CLYBL: variants seen among roughly 807,000 people sequenced by gnomAD.
The protein encoded by CLYBL is citramalyl-CoA lyase, also known as citramalyl-CoA lyase, mitochondrial.
CLYBL carries 31 observed loss-of-function variants against 38.9 expected under a neutral mutation model. The observed-to-expected ratio is 0.80, with a 90% confidence interval of 0.60 to 1.08. The LOEUF (loss-of-function observed/expected upper bound fraction) is 1.08. Among genes scored for constraint, CLYBL ranks in the 50% least tolerant of loss-of-function variants. The pLI is 0.00. For synonymous variants in CLYBL, 171 were observed against 158.6 expected (o/e 1.08, Z -0.59); for missense variants, 434 against 411.6 (o/e 1.05, Z -0.47).
intron 2 of CLYBL, among the ~76,000 whole-genome samples, chr13:99,840,234 C>T (rs2051038038): frequency 9.6e-6 from 1 of 104,324 alleles, no homozygotes. Context: ...TCCTCCTGAG[C>T]CCTTACTCTC....
At chr13:99,639,122 C>T (rs989042093) in intron 1 of CLYBL, among the ~76,000 whole-genome samples, 1 of 152,110 alleles carries the variant, frequency 6.6e-6, no homozygotes, top group Non-Finnish European at 1.5e-5. Flanking sequence ...ATTGGAAAAC[C>T]GGCAATCTGT....
intron 2 of CLYBL, among the ~76,000 whole-genome samples, chr13:99,798,166 G>A (rs560379183): frequency 6.6e-6 from 1 of 152,264 alleles, no homozygotes; most frequent in East Asian, 1.9e-4. Context: ...AAGGAGGGAG[G>A]GAAGAGGCAG....
intron 2 of CLYBL, among the ~76,000 whole-genome samples, chr13:99,812,970 C>T (rs978352743): frequency 1.3e-5 from 2 of 152,190 alleles, no homozygotes; most frequent in Non-Finnish European, 2.9e-5. Context: ...TTTCTATGCG[C>T]GTGGCTGATT....
chr13:99,661,823 A>T (rs574759914), intron 1 of CLYBL, among the ~76,000 whole-genome samples: 30 of 152,294 alleles, frequency 2.0e-4, no homozygotes, highest in Admixed American at 1.8e-3. Context: ...TGATGTGTTA[A>T]CAGTCTTATT....
intron 1 of CLYBL, among the ~76,000 whole-genome samples, chr13:99,663,859 A>C (rs1041901215): frequency 1.4e-4 from 22 of 152,170 alleles, no homozygotes; most frequent in African/African-American, 5.3e-4. Flanking sequence ...GAAAGAGGGG[A>C]AAATAGACCA....
intron 2 of CLYBL, among the ~76,000 whole-genome samples, chr13:99,824,257 G>GCTCCCCCCCCC (rs66867477): frequency 7.7e-6 from 1 of 130,414 alleles, no homozygotes; most frequent in Non-Finnish European, 1.6e-5. Context: ...CTGACTAATA[G>GCTCCCCCCCCC]CCCCCCCCAC....
At chr13:99,860,087 G>A (rs2051563303) in intron 3 of CLYBL, among the ~76,000 whole-genome samples, 1 of 152,166 alleles carries the variant, frequency 6.6e-6, no homozygotes, top group Non-Finnish European at 1.5e-5. Context: ...ACTATGACAT[G>A]TGGCTTCTGA....
chr13:99,754,551 A>G (rs888866304), intron 1 of CLYBL, among the ~76,000 whole-genome samples: 12 of 150,934 alleles, frequency 8.0e-5, no homozygotes, highest in African/African-American at 2.4e-4. Context: ...ACACACCACT[A>G]TGCCCAGCTC....
At chr13:99,803,851 A>G (rs1174827721) in intron 2 of CLYBL, among the ~76,000 whole-genome samples, 1 of 152,192 alleles carries the variant, frequency 6.6e-6, no homozygotes, top group Non-Finnish European at 1.5e-5. Context: ...CGGTCACACT[A>G]ACAGTGGGGT....
At chr13:99,684,440 C>T (rs929570177) in intron 1 of CLYBL, among the ~76,000 whole-genome samples, 5 of 151,934 alleles carry the variant, frequency 3.3e-5, no homozygotes, top group South Asian at 4.2e-4. Flanking sequence ...AGTTATGTGG[C>T]GCATGACTGT....
intron 1 of CLYBL, among the ~76,000 whole-genome samples, chr13:99,615,856 C>T (rs1401146905): frequency 6.6e-6 from 1 of 152,018 alleles, no homozygotes; most frequent in East Asian, 1.9e-4. Context: ...TATTTTGAAA[C>T]GGAGTCTCAC....
At chr13:99,749,979 C>A (rs534036182) in intron 1 of CLYBL, among the ~76,000 whole-genome samples, 1 of 152,082 alleles carries the variant, frequency 6.6e-6, no homozygotes, top group Admixed American at 6.5e-5. Context: ...ATAGTCAAAG[C>A]GGGTTGAAAT....
intron 1 of CLYBL, among the ~76,000 whole-genome samples, chr13:99,683,890 A>G (rs1221444738): frequency 2.7e-5 from 4 of 148,754 alleles, no homozygotes; most frequent in Non-Finnish European, 6.0e-5. Flanking sequence ...TTTTTTTGAG[A>G]CAGAGTCTCA....
intron 1 of CLYBL, among the ~76,000 whole-genome samples, chr13:99,660,610 C>A (rs2047395468): frequency 6.6e-6 from 1 of 152,212 alleles, no homozygotes; most frequent in Non-Finnish European, 1.5e-5. Context: ...TCCCCCAATT[C>A]TAACCCACCA....
At chr13:99,739,006 T>C (rs1002976581) in intron 1 of CLYBL, among the ~76,000 whole-genome samples, 1 of 152,178 alleles carries the variant, frequency 6.6e-6, no homozygotes, top group African/African-American at 2.4e-5. Flanking sequence ...CAAGCTAACA[T>C]TGTGATTTCA....
At chr13:99,766,924 G>A (rs2049280349) in intron 1 of CLYBL, among the ~76,000 whole-genome samples, 1 of 152,156 alleles carries the variant, frequency 6.6e-6, no homozygotes, top group South Asian at 2.1e-4. Flanking sequence ...CTTTTGCTGA[G>A]TTACACAACA....
chr13:99,799,172 A>G (rs1307540351), intron 2 of CLYBL, among the ~76,000 whole-genome samples: 4 of 152,156 alleles, frequency 2.6e-5, no homozygotes, highest in African/African-American at 9.7e-5. Context: ...ATTTTCTGTG[A>G]AGTCAGTAAT....
chr13:99,762,875 A>T (rs565235925), intron 1 of CLYBL, among the ~76,000 whole-genome samples: 4 of 151,974 alleles, frequency 2.6e-5, no homozygotes, highest in Non-Finnish European at 4.4e-5. Flanking sequence ...TTGTAGAGAG[A>T]TCTTTTATTT....
intron 1 of CLYBL, among the ~76,000 whole-genome samples, chr13:99,653,837 C>G (rs897744536): frequency 6.6e-6 from 1 of 152,172 alleles, no homozygotes; most frequent in African/African-American, 2.4e-5. Context: ...ATGGGCTGGA[C>G]ATGCCCATTT....
Sources: gnomAD v4.1 joint callset for allele counts (sites outside exome capture counted in the v4.1 genomes callset) on GRCh38, gnomAD v4.1.1 for gene constraint, MANE v1.5 for transcripts, NCBI Gene and HGNC (gene_info 2026-07-23, HGNC 2026-07-21) for gene names.